VPS13A: variants seen among roughly 807,000 people sequenced by gnomAD.
VPS13A encodes intermembrane lipid transfer protein VPS13A.
VPS13A carries 264 observed loss-of-function variants against 390.9 expected under a neutral mutation model. The observed-to-expected ratio is 0.68, with a 90% confidence interval of 0.61 to 0.75. The LOEUF (loss-of-function observed/expected upper bound fraction) is 0.75. Among genes scored for constraint, VPS13A ranks in the 30% least tolerant of loss-of-function variants. VPS13A has a pLI of 0.00. For missense variants in VPS13A, 3,409 were observed against 3,733.9 expected, an observed-to-expected ratio of 0.91 and a Z score of 2.27; for synonymous variants, 1,231 against 1,227.1, an observed-to-expected ratio of 1.00 and a Z score of -0.07.
chr9:77,268,769 G>A (rs1284044170), intron 23 of VPS13A, among the ~76,000 whole-genome samples: 5 of 151,882 alleles, frequency 3.3e-5, no homozygotes, highest in East Asian at 1.9e-4. Context: ...GTGGAACCCC[G>A]TCTGTACTAA....
chr9:77,381,916 T>C, intron 67 of VPS13A, 60 bp from the exon 68 acceptor site: 5 of 1,086,978 alleles, frequency 4.6e-6, no homozygotes, highest in Non-Finnish European at 6.8e-6. Flanking sequence ...TTGCATTTTA[T>C]AGTTTATTTA....
At chr9:77,309,889 G>A (rs1828970403) in intron 35 of VPS13A, among the ~76,000 whole-genome samples, 1 of 151,786 alleles carries the variant, frequency 6.6e-6, no homozygotes, top group Non-Finnish European at 1.5e-5. Context: ...AAAAAAAAAG[G>A]CTGCCTGTCA....
At chr9:77,413,611 A>C (rs1285577284) in intron 71 of VPS13A, among the ~76,000 whole-genome samples, 5 of 152,226 alleles carry the variant, frequency 3.3e-5, no homozygotes, top group East Asian at 1.9e-4. Context: ...TAAAGACTTA[A>C]ATGTTAGACC....
chr9:77,374,842 G>C (rs1164598889), intron 67 of VPS13A, among the ~76,000 whole-genome samples: 1 of 152,064 alleles, frequency 6.6e-6, no homozygotes, highest in Non-Finnish European at 1.5e-5. Flanking sequence ...ACCCATCTTA[G>C]AAAGTTAGGT....
chr9:77,384,491 A>G, intron 68 of VPS13A: 1 of 1,556,168 alleles, frequency 6.4e-7, no homozygotes, highest in Non-Finnish European at 8.8e-7. Context: ...AATTATTCTC[A>G]CTCTTTGAAC....
chr9:77,207,237 A>ATATATGTATATATATATATATATG (rs1554859948), intron 5 of VPS13A, among the ~76,000 whole-genome samples: 1 of 79,534 alleles, frequency 1.3e-5, no homozygotes, highest in African/African-American at 3.6e-5. Context: ...ATATATATAT[A>ATATATGTATATATATATATATATG]TATATATATA....
intron 6 of VPS13A, among the ~76,000 whole-genome samples, chr9:77,210,235 C>CTCCCT (rs1394224302): frequency 7.0e-6 from 1 of 143,858 alleles, no homozygotes; most frequent in Non-Finnish European, 1.5e-5. Flanking sequence ...CTCCCCTCCC[C>CTCCCT]TTGCCTCCCC....
rs376854259 is a variant in VPS13A at position 77,374,938 on chromosome 9, T to TTC, written c.9077+3790_9077+3791dup. Among the ~76,000 whole-genome samples, 425 of 152,294 alleles carry TTC rather than the reference T, an allele frequency of 2.8e-3. 3 individuals carry two copies. Among genetic ancestry groups the TTC allele is most frequent in the African/African-American group, 9.8e-3 (407 of 41,570 alleles). ...ATATGTATTGTCATCATATGAGCTA[T>TTC]TCCTCTTAAGCCAGTATTTCATACT... On this transcript the variant is annotated intron_variant, in intron 67 of 71. Transcript: ENST00000360280.
At chr9:77,180,786 AT>A (rs1457523758) in intron 1 of VPS13A, among the ~76,000 whole-genome samples, 1 of 152,230 alleles carries the variant, frequency 6.6e-6, no homozygotes, top group Non-Finnish European at 1.5e-5. Flanking sequence ...TGTGTCTATC[AT>A]TTCACCAATA....
chr9:77,319,851 C>T (rs1051296798), intron 42 of VPS13A, among the ~76,000 whole-genome samples, 178 bp downstream of exon 42: 7 of 152,080 alleles, frequency 4.6e-5, no homozygotes, highest in African/African-American at 4.8e-5. Flanking sequence ...CCCTCATCAA[C>T]GTATATTTGA....
chr9:77,282,006 A>T, intron 28 of VPS13A, 80 bp downstream of exon 28: 1 of 1,359,248 alleles, frequency 7.4e-7, no homozygotes, highest in Non-Finnish European at 1.0e-6. Context: ...TAAGATCCTT[A>T]AAGATAAGAA....
At chr9:77,288,780 A>G (rs1490556483) in intron 31 of VPS13A, among the ~76,000 whole-genome samples, 1 of 152,166 alleles carries the variant, frequency 6.6e-6, no homozygotes, top group Non-Finnish European at 1.5e-5. Context: ...GGTGGATAGA[A>G]TTATTCAGGC....
chr9:77,218,059 CAT>C (rs746405920), intron 10 of VPS13A, among the ~76,000 whole-genome samples: 2 of 151,098 alleles, frequency 1.3e-5, no homozygotes, highest in African/African-American at 4.9e-5. Context: ...TTTTCATACA[CAT>C]GTTGGCCATT....
chr9:77,229,308 T>A (rs1823692743), intron 17 of VPS13A, among the ~76,000 whole-genome samples: 1 of 152,098 alleles, frequency 6.6e-6, no homozygotes, highest in Non-Finnish European at 1.5e-5. Context: ...TGGAGCTTGT[T>A]GGCTCAAAGC....
intron 3 of VPS13A, 30 bp from the exon 4 acceptor site, chr9:77,205,282 TG>T (rs1825571822): frequency 8.0e-7 from 1 of 1,255,914 alleles, no homozygotes; most frequent in South Asian, 1.5e-5. Context: ...TAATATTTTT[TG>T]TCCTTTTTTT....
intron 1 of VPS13A, among the ~76,000 whole-genome samples, chr9:77,185,137 G>T (rs989073398): frequency 6.6e-6 from 1 of 151,838 alleles, no homozygotes; most frequent in East Asian, 1.9e-4. Flanking sequence ...TGTGGGATAT[G>T]ACATTATCTC....
In VPS13A at chr9:77,209,264, C is replaced by G. The variant is rs1825841779; in HGVS notation, c.386-159C>G. On this transcript the variant is annotated intron_variant, in intron 5 of 71. Transcript: ENST00000360280. ...TAAACTAGCTTTTGAAAAATGTTTA[C>G]TTGCTTTTGAAAGACTTTTGGAAAG... 2.0e-5 allele frequency among the ~76,000 whole-genome samples: 3 copies of G among 152,232 alleles called. No homozygotes were observed. The South Asian group carries it at 6.2e-4, about 32-fold the overall frequency.
chr9:77,370,389 C>G lies in VPS13A; in HGVS notation c.8744-26C>G, dbSNP rs770762242. The G allele has an allele frequency of 7.4e-6, 12 of 1,614,128 alleles. No individual in the cohort carries two copies. The East Asian group carries it at 2.5e-4, about 33-fold the overall frequency. On this transcript the variant is annotated intron_variant, in intron 64 of 71. Transcript: ENST00000360280. ...GTGCTAGAAAGTAATGGCATCATTA[C>G]TTTTACTAAAGATAATTTCTGTCAG...
intron 34 of VPS13A, among the ~76,000 whole-genome samples, chr9:77,304,495 A>G (rs1033318538): frequency 2.0e-5 from 3 of 152,170 alleles, no homozygotes; most frequent in Non-Finnish European, 2.9e-5. Context: ...AGTCAATTAG[A>G]TATATTAATA....
Sources: gnomAD v4.1 joint callset for allele counts (sites outside exome capture counted in the v4.1 genomes callset) on GRCh38, gnomAD v4.1.1 for gene constraint, MANE v1.5 for transcripts, NCBI Gene and HGNC (gene_info 2026-07-23, HGNC 2026-07-21) for gene names.